Variants in NDUFAF2 observed in about 807,000 individuals in gnomAD.
The protein encoded by NDUFAF2 is NADH dehydrogenase [ubiquinone] 1 alpha subcomplex assembly factor 2.
Under a neutral mutation model 22.8 loss-of-function variants are expected in NDUFAF2, and 13 were observed. That is an observed-to-expected ratio of 0.57 (90% confidence interval 0.37 to 0.91). The LOEUF is 0.91. Ranked by LOEUF, NDUFAF2 falls within the 40% of genes least tolerant of loss-of-function variation. The pLI is 0.01. For missense variants in NDUFAF2, 162 were observed against 195.2 expected (o/e 0.83, Z 1.01); for synonymous variants, 53 against 64.2 (o/e 0.83, Z 0.84).
intron 3 of NDUFAF2, among the ~76,000 whole-genome samples, chr5:61,128,178 C>A (rs1042699547): frequency 1.3e-5 from 2 of 152,132 alleles, no homozygotes; most frequent in African/African-American, 2.4e-5. Flanking sequence ...ACATTCCATG[C>A]TTATGGATAG....
chr5:61,150,741 G>A (rs1741222645), intron 3 of NDUFAF2, among the ~76,000 whole-genome samples: 1 of 152,112 alleles, frequency 6.6e-6, no homozygotes, highest in African/African-American at 2.4e-5. Flanking sequence ...GTTACTAGTG[G>A]AAGTTTAACC....
intron 3 of NDUFAF2, among the ~76,000 whole-genome samples, chr5:61,106,391 C>A (rs1752762599): frequency 6.6e-6 from 1 of 151,152 alleles, no homozygotes; most frequent in South Asian, 2.1e-4. Context: ...ACATAGTATT[C>A]TTTTTTTAAT....
intron 3 of NDUFAF2, among the ~76,000 whole-genome samples, chr5:61,112,636 A>T (rs573122917): frequency 6.6e-6 from 1 of 152,314 alleles, no homozygotes; most frequent in South Asian, 2.1e-4. Context: ...TTTTCAGGCT[A>T]TATGAGTCTT....
At chr5:61,094,679 T>G (rs1337937421) in intron 2 of NDUFAF2, among the ~76,000 whole-genome samples, 1 of 152,156 alleles carries the variant, frequency 6.6e-6, no homozygotes, top group African/African-American at 2.4e-5. Context: ...TATTTTTTAG[T>G]TTGTTTGTTT....
intron 1 of NDUFAF2, among the ~76,000 whole-genome samples, chr5:60,976,520 G>A (rs1433016190): frequency 6.6e-6 from 1 of 152,118 alleles, no homozygotes; most frequent in Non-Finnish European, 1.5e-5. Context: ...TGGACCCCAA[G>A]GGGGTAGACT....
chr5:61,027,592 C>T (rs147115401), intron 1 of NDUFAF2, among the ~76,000 whole-genome samples: 17 of 152,050 alleles, frequency 1.1e-4, no homozygotes, highest in African/African-American at 4.1e-4. Context: ...CTCATTTGTG[C>T]TTTCCTTTCA....
At position 60,989,104 on chromosome 5, in the gene NDUFAF2, A is replaced by G. The variant is rs56773874; in HGVS notation, c.127+43722A>G. On this transcript the variant is annotated intron_variant, in intron 1 of 3. Transcript: ENST00000296597. ...AATTTTATAAGCAAAACCCAAACAC[A>G]TGAACAGATGTTTTTCAAAAGAAGA... 7.1e-3 allele frequency among the ~76,000 whole-genome samples: 1,081 copies of G among 151,380 alleles called. 16 individuals carry two copies. The highest frequency in any genetic ancestry group is 0.025 in the African/African-American group (1,028 of 41,474).
At chr5:61,025,905 A>C (rs897510099) in intron 1 of NDUFAF2, among the ~76,000 whole-genome samples, 5 of 151,360 alleles carry the variant, frequency 3.3e-5, no homozygotes, top group Non-Finnish European at 7.4e-5. Context: ...TTTTCTTATA[A>C]TAATATAGAA....
intron 1 of NDUFAF2, among the ~76,000 whole-genome samples, chr5:61,055,968 A>G (rs1166490318): frequency 6.6e-6 from 1 of 152,204 alleles, no homozygotes; most frequent in Non-Finnish European, 1.5e-5. Context: ...TGCTCAATAA[A>G]TATAATTCTG....
intron 1 of NDUFAF2, among the ~76,000 whole-genome samples, chr5:60,997,893 T>G (rs975919253): frequency 1.5e-4 from 23 of 152,186 alleles, no homozygotes; most frequent in African/African-American, 4.6e-4. Context: ...AGGCTTATCA[T>G]CCTAGATTTT....
chr5:61,087,317 G>T (rs1752516107), intron 2 of NDUFAF2, among the ~76,000 whole-genome samples: 3 of 152,138 alleles, frequency 2.0e-5, no homozygotes, highest in Non-Finnish European at 4.4e-5. Context: ...CCAGAACTGT[G>T]AGAAAATAAC....
At chr5:60,987,055 G>A (rs1751091560) in intron 1 of NDUFAF2, among the ~76,000 whole-genome samples, 1 of 151,770 alleles carries the variant, frequency 6.6e-6, no homozygotes, top group Non-Finnish European at 1.5e-5. Flanking sequence ...AGAAAAGAGA[G>A]AAGATCCAAA....
chr5:61,066,367 G>A (rs1192012378), intron 1 of NDUFAF2, among the ~76,000 whole-genome samples: 1 of 151,980 alleles, frequency 6.6e-6, no homozygotes, highest in Non-Finnish European at 1.5e-5. Flanking sequence ...CCTAAAATTT[G>A]TATAGAACCA....
intron 1 of NDUFAF2, among the ~76,000 whole-genome samples, chr5:60,946,948 C>T (rs945705748): frequency 5.9e-5 from 9 of 152,174 alleles, no homozygotes; most frequent in African/African-American, 2.2e-4. Context: ...GAGATTCATC[C>T]ATGTGTCAGT....
chr5:61,027,964 A>G (rs1207525106), intron 1 of NDUFAF2, among the ~76,000 whole-genome samples: 2 of 152,014 alleles, frequency 1.3e-5, no homozygotes, highest in Non-Finnish European at 2.9e-5. Flanking sequence ...GGGATATGTT[A>G]ATAAACAACA....
intron 1 of NDUFAF2, among the ~76,000 whole-genome samples, chr5:61,027,623 C>T (rs543956881): frequency 1.3e-5 from 2 of 152,082 alleles, no homozygotes; most frequent in African/African-American, 4.8e-5. Flanking sequence ...CAGGCATACA[C>T]ATTTTAGGTC....
chr5:61,022,519 T>C (rs1751596817), intron 1 of NDUFAF2, among the ~76,000 whole-genome samples: 1 of 152,236 alleles, frequency 6.6e-6, no homozygotes, highest in Non-Finnish European at 1.5e-5. Flanking sequence ...CTAGCATTTG[T>C]TATTGCGTAT....
chr5:60,960,439 C>A (rs959413173), intron 1 of NDUFAF2, among the ~76,000 whole-genome samples: 1 of 152,252 alleles, frequency 6.6e-6, no homozygotes, highest in South Asian at 2.1e-4. Context: ...GTGTAAAACC[C>A]AGTTTCTCTG....
rs78505003 is a variant in NDUFAF2, at chr5:61,083,556, G to C, written c.217+10342G>C. ...TTTAGTGGAGATGGGATTTCACCATGTTGGCCATCCTGACCATGCTGGCCA... is the reference window on the plus strand; with the variant it reads ...TTTAGTGGAGATGGGATTTCACCATCTTGGCCATCCTGACCATGCTGGCCA... On this transcript the variant is annotated intron_variant, in intron 2 of 3. Transcript: ENST00000296597. Among the ~76,000 whole-genome samples, 1,189 of 151,884 alleles carry C rather than the reference G, an allele frequency of 7.8e-3. 18 individuals are homozygous for C. Among genetic ancestry groups the C allele is most frequent in the African/African-American group, 0.027 (1,115 of 41,480 alleles).
Sources: gnomAD v4.1 joint callset for allele counts (sites outside exome capture counted in the v4.1 genomes callset) on GRCh38, gnomAD v4.1.1 for gene constraint, MANE v1.5 for transcripts, NCBI Gene and HGNC (gene_info 2026-07-23, HGNC 2026-07-21) for gene names.